PCDHGA3: variants seen among roughly 807,000 people sequenced by gnomAD.
PCDHGA3 encodes protocadherin gamma subfamily A, 3.
A neutral mutation model predicts 58.5 loss-of-function variants in PCDHGA3; 40 were observed. The observed-to-expected ratio is 0.68, with a 90% CI of 0.53 to 0.89. PCDHGA3 has a LOEUF of 0.89. Among genes scored for constraint, PCDHGA3 ranks in the 40% least tolerant of loss-of-function variants. The pLI, the probability that PCDHGA3 is intolerant of heterozygous loss-of-function variation, is 0.00. For missense variants in PCDHGA3, 1,223 were observed against 1,195.9 expected (o/e 1.02, Z -0.33); for synonymous variants, 530 against 525.7 (o/e 1.01, Z -0.11).
At chr5:141,421,120 G>T (rs747126094) in intron 1 of PCDHGA3, 4 of 779,870 alleles carry the variant, frequency 5.1e-6, no homozygotes, top group Non-Finnish European at 7.9e-6. Flanking sequence ...ATTTTCCTTC[G>T]CTTTCTGATA....
intron 1 of PCDHGA3, among the ~76,000 whole-genome samples, chr5:141,382,119 C>T (rs919282723): frequency 2.0e-5 from 3 of 152,112 alleles, no homozygotes; most frequent in Non-Finnish European, 4.4e-5. Flanking sequence ...TGAGCAACAG[C>T]ACCTGGCCCC....
chr5:141,446,398 G>A (rs1379233102), intron 1 of PCDHGA3, among the ~76,000 whole-genome samples: 2 of 152,128 alleles, frequency 1.3e-5, no homozygotes, highest in African/African-American at 2.4e-5. Context: ...AAGAGAAATC[G>A]AGTTGAGTTC....
Position 141,494,842 on chromosome 5 carries a change from G to A in PCDHGA3, c.2460G>A (p.Gln820=). 1 of 1,614,116 alleles carries A rather than the reference G, an allele frequency of 6.2e-7. No homozygotes were observed. Among genetic ancestry groups the A allele is most frequent in the Non-Finnish European group, 8.5e-7 (1 of 1,180,018 alleles). The change falls in exon 2 of 4, where the codon CAG becomes CAA. Residue 820 remains glutamine, a synonymous_variant. Coordinates refer to ENST00000253812, the MANE Select transcript of PCDHGA3 (RefSeq NM_018916.4). ...APPNTDWRFS[Q]AQRPGTSGSQ... is the part of the protein sequence containing the mutation. ...CCAACACGGACTGGCGTTTCTCTCA[G>A]GCCCAGAGACCCGGCACCAGCGGGT... is the stretch of plus-strand genomic sequence containing the variant.
At chr5:141,427,986 G>C in intron 1 of PCDHGA3, 1 of 1,598,018 alleles carries the variant, frequency 6.3e-7, no homozygotes, top group East Asian at 2.2e-5. Context: ...GCTGGGGCCC[G>C]ATGGCTCCGC....
At chr5:141,346,625 C>T (rs548281079) in intron 1 of PCDHGA3, 168 bp downstream of exon 1, 17 of 1,025,228 alleles carry the variant, frequency 1.7e-5, no homozygotes, top group African/African-American at 9.7e-5. Context: ...CTGCACTCCC[C>T]GGTCTGGTTA....
intron 1 of PCDHGA3, chr5:141,357,224 TG>T: frequency 6.2e-7 from 1 of 1,613,828 alleles, no homozygotes; most frequent in African/African-American, 1.3e-5. Context: ...CTGGCTGACT[TG>T]GGCAGCCTCA....
Position 141,431,920 on chromosome 5 carries a change from A to C in PCDHGA3, c.2425-62887A>C. On this transcript the variant is annotated intron_variant, in intron 1 of 3. Transcript: ENST00000253812. The surrounding 1 kb of genome is among the most constrained non-coding windows in gnomAD (Gnocchi z 4.8). ...ACGGACAGGTGATCTGTTTCATCCA[A>C]GGAAATCTGCCCTTTAAATTAGAAA... 1 of 1,614,164 alleles carries C rather than the reference A, an allele frequency of 6.2e-7. No individual in the cohort carries two copies. Among genetic ancestry groups the C allele is most frequent in the Non-Finnish European group, 8.5e-7 (1 of 1,179,976 alleles).
chr5:141,399,018 T>C lies in PCDHGA3; in HGVS notation c.2424+52561T>C. 5 of 1,613,892 alleles carry C rather than the reference T, an allele frequency of 3.1e-6. No individual in the cohort carries two copies. The South Asian group carries it at 3.3e-5, about 11-fold the overall frequency. On this transcript the variant is annotated intron_variant, in intron 1 of 3. Coordinates refer to ENST00000253812, the MANE Select transcript of PCDHGA3 (RefSeq NM_018916.4). ...GTCTGAATTCAAAGAGCGGAGAAATTACCACTCAAAAGAAACTGGATTTTG... is the reference window on the plus strand; with the variant it reads ...GTCTGAATTCAAAGAGCGGAGAAATCACCACTCAAAAGAAACTGGATTTTG...
Position 141,375,230 on chromosome 5 carries a change from A to G in PCDHGA3, c.2424+28773A>G. ...AGACTCTGGCCTGAATGGCCTGGTA[A>G]CCTGTTCCATCCCGAGAAGTCTCCC... On this transcript the variant is annotated intron_variant, in intron 1 of 3. Coordinates refer to ENST00000253812, the MANE Select transcript of PCDHGA3 (RefSeq NM_018916.4). 2 of 1,613,988 alleles carry G rather than the reference A, an allele frequency of 1.2e-6. No individual in the cohort carries two copies. The highest frequency in any genetic ancestry group is 8.5e-7 in the Non-Finnish European group (1 of 1,179,900).
chr5:141,501,323 A>G (rs2099807887), intron 2 of PCDHGA3, among the ~76,000 whole-genome samples: 1 of 151,850 alleles, frequency 6.6e-6, no homozygotes, highest in East Asian at 1.9e-4. Flanking sequence ...ACACACACAC[A>G]CACACACACA....
chr5:141,400,954 G>A (rs1195267748), intron 1 of PCDHGA3, among the ~76,000 whole-genome samples: 1 of 152,014 alleles, frequency 6.6e-6, no homozygotes, highest in African/African-American at 2.4e-5. Context: ...GATTTCACTG[G>A]TAGTTTTCAT....
rs756549446 is a variant in PCDHGA3 at position 141,477,301 on chromosome 5, C to G, written c.2425-17506C>G. 32 of 1,614,042 alleles carry G rather than the reference C, an allele frequency of 2.0e-5. 2 individuals carry two copies. In the South Asian group the frequency reaches 3.4e-4, roughly 17 times the overall value. On this transcript the variant is annotated intron_variant, in intron 1 of 3. Coordinates refer to ENST00000253812, the MANE Select transcript of PCDHGA3 (RefSeq NM_018916.4). The surrounding 1 kb of genome is among the most constrained non-coding windows in gnomAD (Gnocchi z 4.9). The stretch of plus-strand genomic sequence containing the variant: ...TGACCTGCGAAGTTCCACCGGGTCT[C>G]CCTTTCAGCCTTACTTCTTCCCTCA...
rs2099622509 is a variant in PCDHGA3 at position 141,485,988 on chromosome 5, G to T, written c.2425-8819G>T. On this transcript the variant is annotated intron_variant, in intron 1 of 3. Coordinates refer to ENST00000253812, the MANE Select transcript of PCDHGA3 (RefSeq NM_018916.4). The surrounding 1 kb of genome is among the most constrained non-coding windows in gnomAD (Gnocchi z 5.7). The stretch of plus-strand genomic sequence containing the variant: ...CTCAATGCCTCAGACCCGGACCTGG[G>T]TCCCAGTGGTAACGTCACCTTTTAT... 16 of 1,614,188 alleles carry T rather than the reference G, an allele frequency of 9.9e-6. No homozygotes were observed. The highest frequency in any genetic ancestry group is 1.4e-5 in the Non-Finnish European group (16 of 1,180,038).
chr5:141,473,798 T>C lies in PCDHGA3; in HGVS notation c.2425-21009T>C, dbSNP rs1202883137. 2.6e-5 allele frequency among the ~76,000 whole-genome samples: 4 copies of C among 152,350 alleles called. 1 individual carries two copies. The highest frequency in any genetic ancestry group is 6.8e-3 in the Middle Eastern group (2 of 294). On this transcript the variant is annotated intron_variant, in intron 1 of 3. Transcript: ENST00000253812. ...TTTTAATTCAAGAGCAGTATGATGCTACTGAGGAGCAGCTGGACAATTGTG... is the reference window on the plus strand; with the variant it reads ...TTTTAATTCAAGAGCAGTATGATGCCACTGAGGAGCAGCTGGACAATTGTG...
intron 1 of PCDHGA3, chr5:141,351,206 G>T: frequency 6.2e-7 from 1 of 1,614,040 alleles, no homozygotes; most frequent in Non-Finnish European, 8.5e-7. Context: ...GTTGAGTGTG[G>T]AAGCTAAGGA....
intron 3 of PCDHGA3, among the ~76,000 whole-genome samples, chr5:141,507,803 G>GAC (rs2099863701): frequency 6.6e-6 from 1 of 152,228 alleles, no homozygotes; most frequent in Admixed American, 6.5e-5. Flanking sequence ...CCTGCGCCCT[G>GAC]GGGAACGGAC....
chr5:141,410,239 T>C, intron 1 of PCDHGA3: 2 of 1,614,024 alleles, frequency 1.2e-6, no homozygotes, highest in Admixed American at 1.7e-5. Flanking sequence ...GCGACCGCCC[T>C]GTACTCTCTG....
At chr5:141,495,102 C>A (rs1344771035) in intron 2 of PCDHGA3, among the ~76,000 whole-genome samples, 3 of 152,160 alleles carry the variant, frequency 2.0e-5, no homozygotes, top group Non-Finnish European at 4.4e-5. Flanking sequence ...CTCGCCACGA[C>A]CGGCACCTTT....
chr5:141,478,716 G>T, intron 1 of PCDHGA3: 1 of 1,545,206 alleles, frequency 6.5e-7, no homozygotes. Flanking sequence ...TGAGATGGTG[G>T]CCTGCCAGAG....
Sources: allele counts gnomAD v4.1 joint callset (sites outside exome capture counted in the v4.1 genomes callset), GRCh38; gene constraint gnomAD v4.1.1; non-coding constraint Gnocchi (gnomAD v3.1); transcripts MANE v1.5; gene names NCBI Gene and HGNC (gene_info 2026-07-23, HGNC 2026-07-21).